MINDY4B: variants seen among roughly 807,000 people sequenced by gnomAD.
MINDY4B encodes MINDY family member 4B.
Under a neutral mutation model 16.7 loss-of-function variants are expected in MINDY4B, and 25 were observed. That is an observed-to-expected ratio of 1.49 (90% CI 1.09 to 2.09). The LOEUF is 2.09. Ranked by LOEUF, MINDY4B falls within the 30% of genes most tolerant of loss-of-function variation. The probability of loss-of-function intolerance (pLI) is 0.00; values close to 1 mark genes in which losing one functional copy is unlikely to be tolerated. For synonymous variants in MINDY4B, 132 were observed against 61.9 expected (o/e 2.13, Z -5.32); for missense variants, 327 against 168.4 (o/e 1.94, Z -5.21).
intron 3 of MINDY4B, among the ~76,000 whole-genome samples, chr3:150,896,462 T>A (rs1425548627): frequency 6.6e-6 from 1 of 152,140 alleles, no homozygotes; most frequent in Non-Finnish European, 1.5e-5. Flanking sequence ...AAAACCTTGT[T>A]TTGCCATATT....
intron 11 of MINDY4B, among the ~76,000 whole-genome samples, chr3:150,872,478 G>A (rs986076462): frequency 7.9e-5 from 12 of 152,178 alleles, no homozygotes; most frequent in East Asian, 1.9e-4. Flanking sequence ...TTAATACCTC[G>A]TCCGGGGGTC....
intron 7 of MINDY4B, among the ~76,000 whole-genome samples, chr3:150,889,271 C>A (rs958189446): frequency 6.6e-6 from 1 of 152,242 alleles, no homozygotes; most frequent in East Asian, 1.9e-4. Flanking sequence ...GAATCTGTTT[C>A]CTAGTCCTTA....
intron 2 of MINDY4B, among the ~76,000 whole-genome samples, chr3:150,903,904 C>T (rs1341539469): frequency 6.6e-6 from 1 of 152,170 alleles, no homozygotes; most frequent in Non-Finnish European, 1.5e-5. Context: ...AAAAAATCCA[C>T]CGTCTACCTT....
chr3:150,872,056 G>A (rs2107892621), intron 11 of MINDY4B, among the ~76,000 whole-genome samples: 1 of 152,268 alleles, frequency 6.6e-6, no homozygotes, highest in East Asian at 1.9e-4. Context: ...GGACACCATA[G>A]TTTCCACTTC....
At chr3:150,886,322 T>C (rs866974411) in intron 7 of MINDY4B, among the ~76,000 whole-genome samples, 18 of 152,322 alleles carry the variant, frequency 1.2e-4, no homozygotes, top group African/African-American at 4.1e-4. Flanking sequence ...GCATATGCTT[T>C]TCCCTTTATG....
rs1576611025 is a variant in MINDY4B, at chr3:150,883,016, C to G, written c.940G>C (p.Val314Leu). The change falls in exon 10 of 12, where the codon GTC becomes CTC. Residue 314 changes from valine (V) to leucine (L), a missense_variant. Transcript: ENST00000465419. ...MILTGRASPN[V>L]FNGCEEGKSQ... ...TTTCCTTCCTCACAGCCATTGAAGACATTGGGACTTGCTCTTCCAGTTAAA... is the reference window on the plus strand; with the variant it reads ...TTTCCTTCCTCACAGCCATTGAAGAGATTGGGACTTGCTCTTCCAGTTAAA... The G allele has an allele frequency of 1.4e-6, 1 of 702,442 alleles. No individual in the cohort carries two copies. The highest frequency in any genetic ancestry group is 1.7e-5 in the African/African-American group (1 of 57,330). The allele number at this position is 702,442 out of a possible 1,614,324, so 43.5% of individuals were successfully genotyped here. A position where few individuals can be genotyped will look rare whatever the true frequency, so the allele number is the denominator to read the frequency against.
At chr3:150,890,844 G>A (rs1428133540) in intron 6 of MINDY4B, 94 bp downstream of exon 6, 2 of 650,716 alleles carry the variant, frequency 3.1e-6, no homozygotes, top group South Asian at 3.4e-5. Context: ...TCAGGAGCAT[G>A]GATGGGGCCC....
chr3:150,901,266 C>G (rs1038420903), intron 3 of MINDY4B: 2 of 152,180 alleles, frequency 1.3e-5, no homozygotes, highest in African/African-American at 4.8e-5. Flanking sequence ...GTGTAGGCAG[C>G]AGAATCACTG....
intron 9 of MINDY4B, among the ~76,000 whole-genome samples, chr3:150,883,427 A>G (rs1244030585): frequency 6.6e-6 from 1 of 151,500 alleles, no homozygotes; most frequent in African/African-American, 2.4e-5. Context: ...GATATTTTCT[A>G]CTGTTGCTAG....
Position 150,894,174 on chromosome 3 carries a change from A to G in MINDY4B, c.429+12T>C. On this transcript the variant is annotated intron_variant, in intron 4 of 11. Transcript: ENST00000465419. ...GAATAAGGTTTTTTAAAAATTATAA[A>G]CTGGCTATTACCTTTCCCACTTCCA... is the stretch of plus-strand genomic sequence containing the variant. The G allele has an allele frequency of 1.5e-6, 1 of 677,844 alleles. No individual in the cohort carries two copies. The highest frequency in any genetic ancestry group is 1.6e-5 in the South Asian group (1 of 62,680). 42.0% of individuals were successfully genotyped at this position (677,844 alleles called of 1,614,324 possible).
rs1206745381 is a variant in MINDY4B at position 150,873,881 on chromosome 3, CACAT to C, written c.1060-518_1060-515del. Reference sequence around the variant, plus strand: ...AATAGCTTCTGGAAAATGAGGGAAACACATACACACATCACACATATACACATAT... The same window carrying C: ...AATAGCTTCTGGAAAATGAGGGAAACACACACATCACACATATACACATAT... On this transcript the variant is annotated intron_variant, in intron 10 of 11. Coordinates refer to ENST00000465419, the MANE Select transcript of MINDY4B (RefSeq NM_001351281.2). Among the ~76,000 whole-genome samples, 5 of 152,024 alleles carry C rather than the reference CACAT, an allele frequency of 3.3e-5. No individual in the cohort carries two copies. The East Asian group carries it at 7.7e-4, about 23-fold the overall frequency.
rs1221702444 is a variant in MINDY4B, at chr3:150,870,872, C to T, written c.*173G>A. The stretch of plus-strand genomic sequence containing the variant: ...TGTGTTTCTCCTACAATGCTGACAG[C>T]TAGGGATTTACCAGAGACTTAAAAA... On this transcript the variant is annotated 3_prime_UTR_variant, in exon 12 of 12. Coordinates refer to ENST00000465419, the MANE Select transcript of MINDY4B (RefSeq NM_001351281.2). Among the ~76,000 whole-genome samples, 1 of 152,128 alleles carries T rather than the reference C, an allele frequency of 6.6e-6. No individual in the cohort carries two copies. The highest frequency in any genetic ancestry group is 2.4e-5 in the African/African-American group (1 of 41,416).
intron 3 of MINDY4B, among the ~76,000 whole-genome samples, chr3:150,899,665 T>C (rs1219197092): frequency 6.6e-6 from 1 of 152,112 alleles, no homozygotes; most frequent in Non-Finnish European, 1.5e-5. Flanking sequence ...GAGGTCAGTC[T>C]TGCTACAGGT....
chr3:150,876,453 T>C (rs1022422578), intron 10 of MINDY4B, among the ~76,000 whole-genome samples: 5 of 152,356 alleles, frequency 3.3e-5, no homozygotes, highest in African/African-American at 2.4e-5. Context: ...CACTGATTCC[T>C]GGTGACAATT....
chr3:150,905,242 C>A (rs1163027557), intron 1 of MINDY4B, 85 bp downstream of exon 1: 1 of 398,082 alleles, frequency 2.5e-6, no homozygotes, highest in African/African-American at 2.1e-5. Flanking sequence ...AAGGAAATTT[C>A]TCATGTTGCA....
At chr3:150,902,108 A>G (rs1391488415) in intron 3 of MINDY4B, among the ~76,000 whole-genome samples, 1 of 152,068 alleles carries the variant, frequency 6.6e-6, no homozygotes, top group East Asian at 1.9e-4. Flanking sequence ...CCCCGGAAGA[A>G]GTTTTAGTCC....
At chr3:150,898,627 A>G (rs376165213) in intron 3 of MINDY4B, among the ~76,000 whole-genome samples, 10 of 152,368 alleles carry the variant, frequency 6.6e-5, no homozygotes, top group African/African-American at 1.9e-4. Context: ...AATGGTCCTC[A>G]TAAGTGGCTG....
chr3:150,889,477 C>G (rs1364460906), intron 7 of MINDY4B, among the ~76,000 whole-genome samples: 3 of 152,214 alleles, frequency 2.0e-5, no homozygotes, highest in Non-Finnish European at 4.4e-5. Flanking sequence ...GGATCCTTCC[C>G]CTATTTTAAA....
At chr3:150,904,458 A>G (rs990593752) in intron 2 of MINDY4B, among the ~76,000 whole-genome samples, 1 of 152,180 alleles carries the variant, frequency 6.6e-6, no homozygotes, top group African/African-American at 2.4e-5. Context: ...CAATTGCTTG[A>G]TCATATATAC....
Sources: allele counts gnomAD v4.1 joint callset (sites outside exome capture counted in the v4.1 genomes callset), GRCh38; gene constraint gnomAD v4.1.1; transcripts MANE v1.5; gene names NCBI Gene and HGNC (gene_info 2026-07-23, HGNC 2026-07-21).